NXPE1: variants seen among roughly 807,000 people sequenced by gnomAD.
The protein encoded by NXPE1 is neurexophilin and PC-esterase domain family member 1, also known as NXPE family member 1.
NXPE1 carries 31 observed loss-of-function variants against 33.3 expected under a neutral mutation model. The ratio of observed to expected loss-of-function variants is 0.93; its 90% confidence interval spans 0.70 to 1.26. NXPE1 has a LOEUF of 1.26. NXPE1 is among the 50% of genes most tolerant of loss of function. The pLI is 0.00. For synonymous variants in NXPE1, 229 were observed against 231.4 expected (o/e 0.99, Z 0.09); for missense variants, 661 against 655.6 (o/e 1.01, Z -0.09).
intron 1 of NXPE1, among the ~76,000 whole-genome samples, chr11:114,559,568 A>G (rs1006288305): frequency 6.6e-6 from 1 of 152,050 alleles, no homozygotes; most frequent in African/African-American, 2.4e-5. Flanking sequence ...CTCACCGTCA[A>G]AACCAGCCTA....
At chr11:114,552,822 A>C (rs1314917668) in intron 2 of NXPE1, 30 bp downstream of exon 2, 2 of 923,944 alleles carry the variant, frequency 2.2e-6, no homozygotes, top group Non-Finnish European at 2.6e-6. Context: ...TAGATCTTTA[A>C]ACTTATTCTG....
At chr11:114,532,440 A>G (rs142128344) in intron 5 of NXPE1, among the ~76,000 whole-genome samples, 244 of 152,264 alleles carry the variant, frequency 1.6e-3, no homozygotes, top group African/African-American at 5.4e-3. Flanking sequence ...AGAATAGAAA[A>G]TAATCATGTA....
At chr11:114,525,100 G>A (rs1169688626) in intron 7 of NXPE1, among the ~76,000 whole-genome samples, 1 of 151,894 alleles carries the variant, frequency 6.6e-6, no homozygotes, top group Non-Finnish European at 1.5e-5. Context: ...CCCTAGATCT[G>A]GGGGTAATGG....
chr11:114,530,450 A>G, exon 6 of NXPE1: 2 of 1,614,198 alleles, frequency 1.2e-6, no homozygotes, highest in Non-Finnish European at 1.7e-6. Context: ...ACGCCCCTTC[A>G]CTGGGGTGGA....
chr11:114,551,077 C>T (rs79701489), intron 5 of NXPE1, 26 bp downstream of exon 5: 1 of 1,264,456 alleles, frequency 7.9e-7, no homozygotes, highest in Non-Finnish European at 1.1e-6. Flanking sequence ...ACTGTGTGAT[C>T]TGCATCAAAG....
chr11:114,549,899 A>C (rs532188600), intron 5 of NXPE1, among the ~76,000 whole-genome samples: 2,086 of 150,248 alleles, frequency 0.014, 50 homozygotes, highest in African/African-American at 0.049. Flanking sequence ...ATAATATATA[A>C]AAAAATAGCT....
intron 5 of NXPE1, among the ~76,000 whole-genome samples, chr11:114,535,085 G>C (rs181174957): frequency 2.0e-5 from 3 of 152,168 alleles, no homozygotes; most frequent in Non-Finnish European, 4.4e-5. Flanking sequence ...CTGATCTCTT[G>C]CCAGAAACTC....
downstream of NXPE1, among the ~76,000 whole-genome samples, chr11:114,519,222 C>T (rs1379304933): frequency 7.3e-6 from 1 of 137,698 alleles, no homozygotes; most frequent in Non-Finnish European, 1.5e-5. Flanking sequence ...AAAATGCTTT[C>T]CCCCCGTTTG....
chr11:114,541,984 T>C (rs908991398), intron 5 of NXPE1, among the ~76,000 whole-genome samples: 3 of 152,218 alleles, frequency 2.0e-5, no homozygotes, highest in Non-Finnish European at 2.9e-5. Context: ...TTTATAAGTT[T>C]CTGAAAGAGG....
intron 5 of NXPE1, among the ~76,000 whole-genome samples, chr11:114,544,964 ACACT>A (rs1555046735): frequency 2.0e-5 from 3 of 152,196 alleles, no homozygotes; most frequent in Non-Finnish European, 1.5e-5. Context: ...TATAAAAAAG[ACACT>A]CAATTTTATT....
At chr11:114,539,652 TTAAC>T (rs1415073047) in intron 5 of NXPE1, among the ~76,000 whole-genome samples, 8 of 152,174 alleles carry the variant, frequency 5.3e-5, no homozygotes, top group South Asian at 2.1e-4. Context: ...TGGAATCTGA[TTAAC>T]TAATTCCAAA....
chr11:114,522,785 A>ATTTGTTT (rs2134896134), intron 8 of NXPE1, 94 bp downstream of exon 8: 1 of 907,912 alleles, frequency 1.1e-6, no homozygotes, highest in South Asian at 1.6e-5. Context: ...AATGAAGTAA[A>ATTTGTTT]AAACAAAATA....
chr11:114,546,926 T>A (rs1446973224), intron 5 of NXPE1, among the ~76,000 whole-genome samples: 1 of 152,168 alleles, frequency 6.6e-6, no homozygotes, highest in African/African-American at 2.4e-5. Context: ...TGTCCCAAAG[T>A]ATGAAATAAA....
At chr11:114,557,450 A>G (rs1364855398) in intron 1 of NXPE1, among the ~76,000 whole-genome samples, 1 of 151,702 alleles carries the variant, frequency 6.6e-6, no homozygotes, top group Non-Finnish European at 1.5e-5. Flanking sequence ...TTTCAGTTCT[A>G]GAAATATTTA....
chr11:114,553,721 T>C (rs1337952791), intron 1 of NXPE1: 1 of 985,276 alleles, frequency 1.0e-6, no homozygotes, highest in Non-Finnish European at 1.2e-6. Flanking sequence ...GCTCTGCATA[T>C]CCCAGTGTCT....
chr11:114,547,683 C>T (rs985102446), intron 5 of NXPE1, among the ~76,000 whole-genome samples: 23 of 152,092 alleles, frequency 1.5e-4, no homozygotes, highest in African/African-American at 4.8e-4. Flanking sequence ...TGCAGTGAGC[C>T]GAGATGGCAC....
At chr11:114,537,161 C>G (rs140617045) in intron 5 of NXPE1, among the ~76,000 whole-genome samples, 1,825 of 152,204 alleles carry the variant, frequency 0.012, 19 homozygotes, top group South Asian at 0.073. Context: ...AGCATATAAA[C>G]AGAACCAAAG....
exon 8 of NXPE1, chr11:114,522,984 A>T: frequency 6.2e-7 from 1 of 1,613,778 alleles, no homozygotes; most frequent in East Asian, 2.2e-5. Flanking sequence ...ATTGTGTCTA[A>T]CTGAACCTGG....
At chr11:114,522,168 C>T in exon 9 of NXPE1, 1 of 1,614,020 alleles carries the variant, frequency 6.2e-7, no homozygotes, top group Non-Finnish European at 8.5e-7. Context: ...ATGTGCATCT[C>T]CCTGATGTTT....
Sources: gnomAD v4.1 joint callset for allele counts (sites outside exome capture counted in the v4.1 genomes callset) on GRCh38, gnomAD v4.1.1 for gene constraint, MANE v1.5 for transcripts, NCBI Gene and HGNC (gene_info 2026-07-23, HGNC 2026-07-21) for gene names.